PAPPA2: variants seen among roughly 807,000 people sequenced by gnomAD.
PAPPA2 encodes pappalysin-2.
Under a neutral mutation model 176.4 loss-of-function variants are expected in PAPPA2, and 86 were observed. That is an observed-to-expected ratio of 0.49 (90% CI 0.41 to 0.58). The LOEUF (loss-of-function observed/expected upper bound fraction) is 0.58, where lower values mean the gene tolerates loss of function less well. Ranked by LOEUF, PAPPA2 falls within the 20% of genes least tolerant of loss-of-function variation. The probability of loss-of-function intolerance (pLI) is 0.00; values close to 1 mark genes in which losing one functional copy is unlikely to be tolerated. For synonymous variants in PAPPA2, 809 were observed against 852.2 expected (o/e 0.95, Z 0.88); for missense variants, 2,073 against 2,256.9 (o/e 0.92, Z 1.65).
chr1:176,744,537 C>T (rs995690109), intron 14 of PAPPA2, among the ~76,000 whole-genome samples: 3 of 152,158 alleles, frequency 2.0e-5, no homozygotes, highest in Admixed American at 2.0e-4. Context: ...TGGTTCCACA[C>T]CCCACCCTAC....
intron 4 of PAPPA2, among the ~76,000 whole-genome samples, chr1:176,675,671 A>G: frequency 6.6e-6 from 1 of 152,152 alleles, no homozygotes; most frequent in East Asian, 1.9e-4. Context: ...ATTGTAAATT[A>G]GAGTTCTAGA....
chr1:176,554,968 A>G (rs1651179018), intron 1 of PAPPA2, among the ~76,000 whole-genome samples: 1 of 134,276 alleles, frequency 7.4e-6, no homozygotes. Context: ...ATCTGTTCAC[A>G]GTAAGTGTGT....
chr1:176,493,477 G>A (rs1450154198), intron 1 of PAPPA2, among the ~76,000 whole-genome samples: 1 of 152,134 alleles, frequency 6.6e-6, no homozygotes, highest in Non-Finnish European at 1.5e-5. Flanking sequence ...ATGTGTGCTG[G>A]ATTTATGAAT....
intron 1 of PAPPA2, among the ~76,000 whole-genome samples, chr1:176,488,078 GC>G (rs1317565381): frequency 6.6e-6 from 1 of 152,144 alleles, no homozygotes; most frequent in Admixed American, 6.5e-5. Flanking sequence ...TATTTTATCT[GC>G]ATGATATTGT....
rs548336045 is a variant in PAPPA2 at position 176,843,058 on chromosome 1, G to T, written c.*604G>T. On this transcript the variant is annotated 3_prime_UTR_variant, in exon 23 of 23. Coordinates refer to ENST00000367662, the MANE Select transcript of PAPPA2 (RefSeq NM_020318.3). ...TTTACTAAGCTAAAAATTATTCATT[G>T]TTCCACACATGCTGCTGTGAAGTTC... 1.9e-4 allele frequency: 29 copies of T among 151,354 alleles called. No individual in the cohort carries two copies. The highest frequency in any genetic ancestry group is 3.7e-4 in the Non-Finnish European group (25 of 67,844). The allele number at this position is 151,354 out of a possible 1,614,324, so 9.4% of individuals were successfully genotyped here.
At chr1:176,562,998 G>A (rs944726797) in intron 2 of PAPPA2, among the ~76,000 whole-genome samples, 1 of 152,102 alleles carries the variant, frequency 6.6e-6, no homozygotes, top group Non-Finnish European at 1.5e-5. Context: ...GGTGCATATT[G>A]CTTCCTGCCT....
chr1:176,700,936 A>G (rs1660625317), intron 8 of PAPPA2, among the ~76,000 whole-genome samples: 1 of 152,152 alleles, frequency 6.6e-6, no homozygotes, highest in Non-Finnish European at 1.5e-5. Context: ...GAAATGACCA[A>G]AAAGCTAATG....
At chr1:176,839,571 G>A (rs1351722403) in intron 21 of PAPPA2, among the ~76,000 whole-genome samples, 1 of 152,146 alleles carries the variant, frequency 6.6e-6, no homozygotes, top group African/African-American at 2.4e-5. Context: ...GGGCTGGACA[G>A]ACACCATCTG....
At chr1:176,464,928 G>T (rs1200892529) in intron 1 of PAPPA2, among the ~76,000 whole-genome samples, 1 of 152,150 alleles carries the variant, frequency 6.6e-6, no homozygotes, top group African/African-American at 2.4e-5. Flanking sequence ...CTGGATAGTG[G>T]TTATTGCTGG....
At chr1:176,663,424 G>C (rs1168693276) in intron 3 of PAPPA2, among the ~76,000 whole-genome samples, 2 of 151,942 alleles carry the variant, frequency 1.3e-5, no homozygotes, top group Non-Finnish European at 2.9e-5. Flanking sequence ...TATGACTTTT[G>C]AACTTTGTTT....
At chr1:176,823,462 T>A (rs1420820169) in intron 21 of PAPPA2, among the ~76,000 whole-genome samples, 71 of 152,196 alleles carry the variant, frequency 4.7e-4, no homozygotes, top group Admixed American at 4.6e-3. Context: ...CCAGTGTTGA[T>A]CCAATGAGGG....
chr1:176,668,628 C>A (rs982826669), intron 3 of PAPPA2, among the ~76,000 whole-genome samples: 3 of 152,116 alleles, frequency 2.0e-5, no homozygotes, highest in African/African-American at 7.2e-5. Flanking sequence ...ATAGACAGAG[C>A]ATTCTGCATG....
intron 3 of PAPPA2, among the ~76,000 whole-genome samples, chr1:176,623,667 C>CT (rs57278002): frequency 5.3e-4 from 31 of 58,052 alleles, no homozygotes; most frequent in African/African-American, 1.9e-3. Context: ...TTCTTTCTTT[C>CT]TTTTTCTTTC....
chr1:176,537,949 C>T lies in PAPPA2; in HGVS notation c.-916-17458C>T, dbSNP rs142165456. Among the ~76,000 whole-genome samples the T allele has an allele frequency of 1.8e-3, 271 of 152,102 alleles. 1 individual carries two copies. The highest frequency in any genetic ancestry group is 0.01 in the Middle Eastern group (3 of 294). Reference sequence around the variant, plus strand: ...TCCTTCTTCTACTGGAGTTATGTGTCCTGAATCCAACCATTCAGCCAGACC... The same window carrying T: ...TCCTTCTTCTACTGGAGTTATGTGTTCTGAATCCAACCATTCAGCCAGACC... On this transcript the variant is annotated intron_variant, in intron 1 of 22. Transcript: ENST00000367662.
chr1:176,769,837 C>A, intron 16 of PAPPA2, 53 bp downstream of exon 16: 2 of 1,501,346 alleles, frequency 1.3e-6, no homozygotes, highest in Non-Finnish European at 1.8e-6. Flanking sequence ...ATCCCTCGCT[C>A]TTGAGGGTAC....
chr1:176,547,531 C>T (rs1025642915), intron 1 of PAPPA2, among the ~76,000 whole-genome samples: 4 of 152,152 alleles, frequency 2.6e-5, no homozygotes, highest in Admixed American at 2.6e-4. Flanking sequence ...CAATAGAAAA[C>T]AGGTAGCAAT....
chr1:176,633,131 T>C (rs1396104838), intron 3 of PAPPA2, among the ~76,000 whole-genome samples: 1 of 152,234 alleles, frequency 6.6e-6, no homozygotes, highest in Non-Finnish European at 1.5e-5. Flanking sequence ...AGTCACTTGC[T>C]GGAAGGCACT....
intron 3 of PAPPA2, among the ~76,000 whole-genome samples, chr1:176,667,860 T>G (rs1658757338): frequency 6.6e-6 from 1 of 152,184 alleles, no homozygotes; most frequent in African/African-American, 2.4e-5. Context: ...ACTAATAAAC[T>G]ACAGCACAAA....
At chr1:176,617,313 C>T (rs994978737) in intron 3 of PAPPA2, among the ~76,000 whole-genome samples, 3 of 152,014 alleles carry the variant, frequency 2.0e-5, no homozygotes, top group Non-Finnish European at 4.4e-5. Context: ...GGGTGGCAGG[C>T]GCTACAGGGC....
Sources: gnomAD v4.1 joint callset for allele counts (sites outside exome capture counted in the v4.1 genomes callset) on GRCh38, gnomAD v4.1.1 for gene constraint, MANE v1.5 for transcripts, NCBI Gene and HGNC (gene_info 2026-07-23, HGNC 2026-07-21) for gene names.